GTF3C3: variants seen among roughly 807,000 people sequenced by gnomAD.
GTF3C3 encodes the protein general transcription factor 3C polypeptide 3.
In GTF3C3, 75 loss-of-function variants were observed where a neutral mutation model predicts 105.2. The observed-to-expected ratio is 0.71, with a 90% CI of 0.59 to 0.86. The LOEUF is 0.86. Among genes scored for constraint, GTF3C3 ranks in the 40% least tolerant of loss-of-function variants. The pLI is 0.00. For synonymous variants in GTF3C3, 335 were observed against 370.4 expected (o/e 0.90, Z 1.10); for missense variants, 856 against 1,076.5 (o/e 0.80, Z 2.87).
At chr2:196,792,141 C>CA (rs1383446869) in intron 3 of GTF3C3, among the ~76,000 whole-genome samples, 2 of 151,964 alleles carry the variant, frequency 1.3e-5, no homozygotes, top group East Asian at 1.9e-4. Context: ...AAAAAAGTAT[C>CA]AAAGGGTTAT....
Position 196,798,387 on chromosome 2 carries a change from T to A in GTF3C3, c.103-479A>T, listed in dbSNP as rs530867754. On this transcript the variant is annotated intron_variant, in intron 1 of 17. Transcript: ENST00000263956. Reference sequence around the variant, plus strand: ...AAAAAATACAAAAATTAGCAGAGTGTGATGGCTCACACCTGTGGTCTCAGC... The same window carrying A: ...AAAAAATACAAAAATTAGCAGAGTGAGATGGCTCACACCTGTGGTCTCAGC... Among the ~76,000 whole-genome samples, 3 of 151,822 alleles carry A rather than the reference T, an allele frequency of 2.0e-5. No homozygotes were observed. The South Asian group carries it at 6.2e-4, about 32-fold the overall frequency.
rs927255164 is a variant in GTF3C3 at position 196,764,308 on chromosome 2, C to T, written c.*255G>A. ...CTCCAAGCTAGCTCAAAGGCTTACA[C>T]GTCCATTTCAACATTGGGAACAATT... is the stretch of plus-strand genomic sequence containing the variant. On this transcript the variant is annotated 3_prime_UTR_variant, in exon 18 of 18. Transcript: ENST00000263956. The T allele has an allele frequency of 2.3e-5, 7 of 305,546 alleles. No homozygotes were observed. The highest frequency in any genetic ancestry group is 8.1e-5 in the South Asian group (1 of 12,300). 18.9% of individuals were successfully genotyped at this position (305,546 alleles called of 1,614,324 possible). A position where few individuals can be genotyped will look rare whatever the true frequency, so the allele number is the denominator to read the frequency against.
chr2:196,785,460 T>G lies in GTF3C3; in HGVS notation c.1022A>C (p.Gln341Pro). The G allele has an allele frequency of 6.2e-7, 1 of 1,606,544 alleles. No individual in the cohort carries two copies. Among genetic ancestry groups the G allele is most frequent in the Non-Finnish European group, 8.5e-7 (1 of 1,175,934 alleles). Residue 341 changes from glutamine (Q) to proline (P), a missense_variant, in exon 7 of 18, where the codon CAG becomes CCG. Gln to Pro is a moderately conservative substitution (Grantham distance 76). Transcript: ENST00000263956. The stretch of plus-strand genomic sequence containing the variant: ...TCCTACCTCCAAAGCTTTGTCATAC[T>G]GTTTGTTAGAAATATATAGTTCAGC... The part of the protein sequence containing the change: ...IAAELYISNK[Q>P]YDKALEIITD...
In GTF3C3 at chr2:196,776,608, T is replaced by C; in HGVS notation, c.1412A>G (p.Tyr471Cys). 6.2e-7 allele frequency: 1 copy of C among 1,613,890 alleles called. No individual in the cohort carries two copies. Among genetic ancestry groups the C allele is most frequent in the East Asian group, 2.2e-5 (1 of 44,886 alleles). The change falls in exon 11 of 18, where the codon TAT becomes TGT. Residue 471 changes from tyrosine to cysteine, a missense_variant. Tyr to Cys is a radical substitution (Grantham distance 194). Around this residue, in one of 3 missense-constraint regions of GTF3C3, gnomAD observed 605 missense variants for 833.6 expected, o/e 0.73. Transcript: ENST00000263956. The surrounding 1 kb of genome is among the most constrained non-coding windows in gnomAD (Gnocchi z 4.5). ...ATAGCTTTCAGCAGCTCGCTCCATA[T>C]AGCCTAAGGCCTTTAAACATTCTAA... Reference protein sequence around the residue: ...RHAECLKALGYMERAAESYGK... With the variant: ...RHAECLKALGCMERAAESYGK...
At chr2:196,791,272 TCCCCC>T in intron 4 of GTF3C3, 60 bp downstream of exon 4, 1 of 1,501,406 alleles carries the variant, frequency 6.7e-7, no homozygotes, top group Non-Finnish European at 9.2e-7. Flanking sequence ...TGTGAAGTGC[TCCCCC>T]ATTTGTTTTA....
intron 6 of GTF3C3, among the ~76,000 whole-genome samples, chr2:196,785,906 G>T (rs1428546646): frequency 1.3e-5 from 2 of 151,796 alleles, no homozygotes; most frequent in African/African-American, 4.8e-5. Flanking sequence ...TTTCACTATT[G>T]CCTACACCCC....
chr2:196,796,779 T>C (rs1307216057), intron 2 of GTF3C3, among the ~76,000 whole-genome samples: 1 of 152,222 alleles, frequency 6.6e-6, no homozygotes, highest in Non-Finnish European at 1.5e-5. Context: ...TTTGGTCTTC[T>C]GTTCCTGTGT....
chr2:196,765,715 T>G (rs955520548), intron 17 of GTF3C3, among the ~76,000 whole-genome samples: 5 of 151,550 alleles, frequency 3.3e-5, no homozygotes, highest in African/African-American at 1.2e-4. Context: ...TGAACAGTAA[T>G]AGAAAAACAA....
intron 14 of GTF3C3, 124 bp downstream of exon 14, chr2:196,772,792 G>T: frequency 1.7e-6 from 1 of 597,208 alleles, no homozygotes; most frequent in African/African-American, 1.9e-5. Flanking sequence ...TACTGCCTCT[G>T]GGAATCACCA....
chr2:196,794,514 A>C (rs1236434481), intron 2 of GTF3C3, among the ~76,000 whole-genome samples: 1 of 152,142 alleles, frequency 6.6e-6, no homozygotes, highest in Non-Finnish European at 1.5e-5. Flanking sequence ...AGCTCACCGC[A>C]ACCTCCACCT....
chr2:196,779,135 T>G, intron 9 of GTF3C3, 68 bp from the exon 10 acceptor site: 2 of 1,335,312 alleles, frequency 1.5e-6, no homozygotes, highest in Admixed American at 2.1e-5. Context: ...TATAGCTTTT[T>G]TTTTTTTTTT....
At chr2:196,768,548 T>G (rs1279247357) in intron 16 of GTF3C3, among the ~76,000 whole-genome samples, 1 of 152,068 alleles carries the variant, frequency 6.6e-6, no homozygotes, top group Non-Finnish European at 1.5e-5. Context: ...AATAGAAAAC[T>G]ATAGTCTTGT....
intron 6 of GTF3C3, among the ~76,000 whole-genome samples, chr2:196,788,903 A>C (rs555014422): frequency 6.6e-6 from 1 of 152,042 alleles, no homozygotes; most frequent in South Asian, 2.1e-4. Context: ...TGTCTCTACA[A>C]AAAAAAATTA....
chr2:196,791,751 C>T (rs947343535), intron 3 of GTF3C3: 3 of 264,122 alleles, frequency 1.1e-5, no homozygotes, highest in African/African-American at 6.7e-5. Flanking sequence ...GCCTGGCCAA[C>T]AGAGTGAAAC....
At chr2:196,793,974 C>T (rs1273400216) in intron 2 of GTF3C3, among the ~76,000 whole-genome samples, 1 of 152,124 alleles carries the variant, frequency 6.6e-6, no homozygotes, top group Non-Finnish European at 1.5e-5. Context: ...GAAATTTAAT[C>T]CCCAATGTGC....
intron 13 of GTF3C3, 152 bp from the exon 14 acceptor site, chr2:196,773,305 T>C (rs1485361643): frequency 4.7e-6 from 3 of 634,830 alleles, no homozygotes; most frequent in South Asian, 2.0e-5. Flanking sequence ...GAAGGGGTAG[T>C]TGCTTGCTTA....
chr2:196,788,231 C>A (rs1699485276), intron 6 of GTF3C3, among the ~76,000 whole-genome samples: 1 of 152,204 alleles, frequency 6.6e-6, no homozygotes, highest in Non-Finnish European at 1.5e-5. Flanking sequence ...GGGACAGTTT[C>A]ACAGCTAAGC....
Position 196,799,679 on chromosome 2 carries a change from A to C in GTF3C3, c.-68T>G. On this transcript the variant is annotated 5_prime_UTR_variant, in exon 1 of 18. Coordinates refer to ENST00000263956, the MANE Select transcript of GTF3C3 (RefSeq NM_012086.5). ...GAACCGGAAGAGCAGCGCCTTCCAG[A>C]AGCTACCTCGCCGGGGCCAGCAAGA... 1 of 1,142,998 alleles carries C rather than the reference A, an allele frequency of 8.7e-7. No individual in the cohort carries two copies. Among genetic ancestry groups the C allele is most frequent in the Non-Finnish European group, 1.3e-6 (1 of 757,250 alleles). The allele number at this position is 1,142,998 out of a possible 1,614,324, so 70.8% of individuals were successfully genotyped here.
intron 16 of GTF3C3, chr2:196,766,922 GATAA>G (rs1376522414): frequency 5.5e-6 from 2 of 361,864 alleles, no homozygotes; most frequent in African/African-American, 2.1e-5. Context: ...TTTAGCTAGG[GATAA>G]ATATTCACAG....
Sources: gnomAD v4.1 joint callset for allele counts (sites outside exome capture counted in the v4.1 genomes callset) on GRCh38, gnomAD v4.1.1 for gene constraint, gnomAD v4.1.1 regional missense constraint, Gnocchi (gnomAD v3.1) non-coding constraint, MANE v1.5 for transcripts, NCBI Gene and HGNC (gene_info 2026-07-23, HGNC 2026-07-21) for gene names.